The following PRKCZ variants were observed in gnomAD, a reference collection of about 807,000 sequenced individuals.
PRKCZ encodes the protein protein kinase C zeta type.
In PRKCZ, 33 loss-of-function variants were observed where a neutral mutation model predicts 79.5. That is an observed-to-expected ratio of 0.41 (90% confidence interval 0.31 to 0.55). The LOEUF is 0.55. PRKCZ is among the 20% of genes least tolerant of loss of function. The probability of loss-of-function intolerance (pLI) is 0.19; values close to 1 mark genes in which losing one functional copy is unlikely to be tolerated. For missense variants in PRKCZ, 578 were observed against 813.5 expected, an observed-to-expected ratio of 0.71 and a Z score of 3.52; for synonymous variants, 342 against 320.9, an observed-to-expected ratio of 1.07 and a Z score of -0.70.
intron 4 of PRKCZ, among the ~76,000 whole-genome samples, chr1:2,066,056 A>G (rs1023489179): frequency 2.0e-5 from 3 of 152,066 alleles, no homozygotes; most frequent in African/African-American, 2.4e-5. Context: ...TCATTTTACT[A>G]GTATTTTCTT....
intron 16 of PRKCZ, among the ~76,000 whole-genome samples, chr1:2,176,715 C>T (rs1485020297): frequency 6.6e-6 from 1 of 152,200 alleles, no homozygotes; most frequent in Non-Finnish European, 1.5e-5. Context: ...CTCCCTGGCC[C>T]CTGTGGTCAG....
rs764316502 is a variant in PRKCZ at position 2,125,306 on chromosome 1, C to T, written c.335-9956C>T. Among the ~76,000 whole-genome samples the T allele has an allele frequency of 6.6e-6, 1 of 152,262 alleles. No homozygotes were observed. The highest frequency in any genetic ancestry group is 1.5e-5 in the Non-Finnish European group (1 of 68,042). On this transcript the variant is annotated intron_variant, in intron 4 of 17. Transcript: ENST00000378567. The surrounding 1 kb of genome is among the most constrained non-coding windows in gnomAD (Gnocchi z 4.2). ...AAACTATGAAAATACTGGTCAGCCT[C>T]TCAGTCATTTCATAAAATCTTGATT...
chr1:2,165,901 GC>G lies in PRKCZ; in HGVS notation c.975-3612del, dbSNP rs1485166903. On this transcript the variant is annotated intron_variant, in intron 10 of 17. Transcript: ENST00000378567. The surrounding 1 kb of genome is among the most constrained non-coding windows in gnomAD (Gnocchi z 4.1). ...TAGGAGGTTTTGTGAGCTTCCCTCA[GC>G]CCCCGGCCGCCCCCTAGGAGGTTTC... Among the ~76,000 whole-genome samples the G allele has an allele frequency of 6.6e-6, 1 of 152,054 alleles. No individual in the cohort carries two copies.
At chr1:2,114,090 G>C (rs757727807) in intron 4 of PRKCZ, among the ~76,000 whole-genome samples, 1 of 152,128 alleles carries the variant, frequency 6.6e-6, no homozygotes, top group African/African-American at 2.4e-5. Flanking sequence ...TTGTGGAAGC[G>C]TTCGGAATGC....
intron 10 of PRKCZ, among the ~76,000 whole-genome samples, chr1:2,163,612 C>T (rs535034362): frequency 5.3e-5 from 8 of 152,226 alleles, no homozygotes; most frequent in South Asian, 2.1e-4. Flanking sequence ...ACACTGAGGC[C>T]GGGTGCGGTG....
At chr1:2,139,450 C>T (rs1467875485) in intron 5 of PRKCZ, among the ~76,000 whole-genome samples, 2 of 152,024 alleles carry the variant, frequency 1.3e-5, no homozygotes, top group Admixed American at 1.3e-4. Context: ...AGTAGCCAGG[C>T]GTGGTGGTGG....
chr1:2,104,727 C>G (rs190621454), intron 4 of PRKCZ: 6 of 985,166 alleles, frequency 6.1e-6, no homozygotes, highest in Non-Finnish European at 6.0e-6. Context: ...GAACATCGCT[C>G]GGTGCCAGAC....
chr1:2,131,966 C>T (rs966090675), intron 4 of PRKCZ, among the ~76,000 whole-genome samples: 1 of 152,182 alleles, frequency 6.6e-6, no homozygotes, highest in South Asian at 2.1e-4. Flanking sequence ...CGCCCACCAC[C>T]ACACCCGACT....
chr1:2,061,542 G>C (rs1315354998), intron 4 of PRKCZ, among the ~76,000 whole-genome samples: 1 of 152,196 alleles, frequency 6.6e-6, no homozygotes, highest in Non-Finnish European at 1.5e-5. Context: ...GGACACGTGA[G>C]TAGGTCCTTG....
chr1:2,098,363 C>T (rs1301873158), intron 4 of PRKCZ: 2 of 152,226 alleles, frequency 1.3e-5, no homozygotes, highest in Admixed American at 1.3e-4. Context: ...TGCCGCTGGC[C>T]TGTGGCTTCT....
chr1:2,052,886 G>A (rs577181909), intron 1 of PRKCZ, among the ~76,000 whole-genome samples: 8 of 152,206 alleles, frequency 5.3e-5, no homozygotes, highest in East Asian at 1.9e-4. Context: ...ACCCCCATGG[G>A]GCATGGCCAC....
chr1:2,124,611 A>G (rs1000434260), intron 4 of PRKCZ, among the ~76,000 whole-genome samples: 1 of 152,034 alleles, frequency 6.6e-6, no homozygotes, highest in African/African-American at 2.4e-5. Context: ...AAACATGAGA[A>G]AGTCAATGCC....
intron 4 of PRKCZ, among the ~76,000 whole-genome samples, chr1:2,092,349 G>A (rs1045437523): frequency 2.0e-5 from 3 of 152,346 alleles, no homozygotes; most frequent in Admixed American, 1.3e-4. Context: ...TCAGCAGGAC[G>A]GAGTCCGACG....
intron 10 of PRKCZ, among the ~76,000 whole-genome samples, chr1:2,160,614 TTGG>T (rs1385865396): frequency 6.6e-6 from 1 of 152,074 alleles, no homozygotes; most frequent in East Asian, 1.9e-4. Context: ...AGTGCTGGTG[TTGG>T]GCAGGCACTC....
Position 2,185,154 on chromosome 1 carries a change from C to T in PRKCZ, c.*145C>T, listed in dbSNP as rs1275789694. 8 of 815,528 alleles carry T rather than the reference C, an allele frequency of 9.8e-6. No homozygotes were observed. The highest frequency in any genetic ancestry group is 5.3e-5 in the East Asian group (2 of 37,578). 50.5% of individuals were successfully genotyped at this position (815,528 alleles called of 1,614,324 possible). A position where few individuals can be genotyped will look rare whatever the true frequency, so the allele number is the denominator to read the frequency against. ...CCGAGACCGCAGAGGGAAGCGTCAG[C>T]GGGCGCTGCTGGGAGCAGAACAGTC... On this transcript the variant is annotated 3_prime_UTR_variant, in exon 18 of 18. Coordinates refer to ENST00000378567, the MANE Select transcript of PRKCZ (RefSeq NM_002744.6).
At chr1:2,049,858 T>G (rs556110963), upstream of PRKCZ, 1 of 152,222 alleles carries the variant, frequency 6.6e-6, no homozygotes, top group Non-Finnish European at 1.5e-5. Flanking sequence ...AAGTGAGCGG[T>G]TGCACTCACG....
At chr1:2,140,565 G>C (rs1319580513) in intron 5 of PRKCZ, among the ~76,000 whole-genome samples, 1 of 152,178 alleles carries the variant, frequency 6.6e-6, no homozygotes, top group Non-Finnish European at 1.5e-5. Flanking sequence ...GCTGAGGCAG[G>C]GGAATGGCTT....
chr1:2,169,157 C>A, intron 10 of PRKCZ: 1 of 461,064 alleles, frequency 2.2e-6, no homozygotes, highest in Non-Finnish European at 4.4e-6. Context: ...CTCCAGCCCC[C>A]AGCAGATCCT....
At chr1:2,139,944 G>A (rs571570985) in intron 5 of PRKCZ, among the ~76,000 whole-genome samples, 1 of 152,336 alleles carries the variant, frequency 6.6e-6, no homozygotes, top group East Asian at 1.9e-4. Context: ...TCTGCTGGTG[G>A]CACATAGGGC....
Sources: gnomAD v4.1 joint callset for allele counts (sites outside exome capture counted in the v4.1 genomes callset) on GRCh38, gnomAD v4.1.1 for gene constraint, Gnocchi (gnomAD v3.1) non-coding constraint, MANE v1.5 for transcripts, NCBI Gene and HGNC (gene_info 2026-07-23, HGNC 2026-07-21) for gene names.